TRPC4AP: variants seen among roughly 807,000 people sequenced by gnomAD.
The protein encoded by TRPC4AP is transient receptor potential cation channel subfamily C member 4 associated protein.
A neutral mutation model predicts 99.0 loss-of-function variants in TRPC4AP; 45 were observed. The ratio of observed to expected loss-of-function variants is 0.45; its 90% CI spans 0.36 to 0.58. The LOEUF is 0.58. TRPC4AP is among the 20% of genes least tolerant of loss of function. The pLI, the probability that TRPC4AP is intolerant of heterozygous loss-of-function variation, is 0.00. For synonymous variants in TRPC4AP, 408 were observed against 385.8 expected, an observed-to-expected ratio of 1.06 and a Z score of -0.67; for missense variants, 879 against 985.3, an observed-to-expected ratio of 0.89 and a Z score of 1.44.
At position 35,030,293 on chromosome 20, in the gene TRPC4AP, C is replaced by T. The variant is rs547039408; in HGVS notation, c.1051+4830G>A. ...CTTACCACATACATCTTAATCTTTT[C>T]CAGATTTTTTTTAAAAATTAGAAAT... On this transcript the variant is annotated intron_variant, in intron 8 of 18. Coordinates refer to ENST00000252015, the MANE Select transcript of TRPC4AP (RefSeq NM_015638.3). 2.0e-5 allele frequency: 3 copies of T among 147,818 alleles called. No individual in the cohort carries two copies. The East Asian group carries it at 6.0e-4, about 29-fold the overall frequency. The allele number at this position is 147,818 out of a possible 1,614,324, so 9.2% of individuals were successfully genotyped here. A position where few individuals can be genotyped will look rare whatever the true frequency, so the allele number is the denominator to read the frequency against.
intron 5 of TRPC4AP, 43 bp from the exon 6 acceptor site, chr20:35,050,037 T>C: frequency 1.9e-6 from 3 of 1,591,626 alleles, no homozygotes; most frequent in Non-Finnish European, 2.6e-6. Context: ...AAGTACAAAA[T>C]AAATTATGAA....
intron 7 of TRPC4AP, among the ~76,000 whole-genome samples, chr20:35,040,538 C>T (rs561852246): frequency 7.9e-5 from 12 of 152,252 alleles, no homozygotes; most frequent in African/African-American, 1.7e-4. Flanking sequence ...CTAAGTTTTC[C>T]GGACTTGGAC....
intron 3 of TRPC4AP, among the ~76,000 whole-genome samples, chr20:35,066,611 T>A (rs1204791418): frequency 6.6e-6 from 1 of 152,052 alleles, no homozygotes; most frequent in Non-Finnish European, 1.5e-5. Flanking sequence ...AAACTTCAAA[T>A]GATGCAAAAA....
Position 35,004,587 on chromosome 20 carries a change from G to A in TRPC4AP, c.1937-17C>T, listed in dbSNP as rs530604947. ...CCTCGGCAACTGTGGAGGGAGGCAG[G>A]GGTGCAGCAGGTCAGGCTTAGGCCC... On this transcript the variant is annotated splice_polypyrimidine_tract_variant and intron_variant, in intron 16 of 18. Coordinates refer to ENST00000252015, the MANE Select transcript of TRPC4AP (RefSeq NM_015638.3). 33 of 1,608,540 alleles carry A rather than the reference G, an allele frequency of 2.1e-5. No homozygotes were observed. The highest frequency in any genetic ancestry group is 2.6e-5 in the Non-Finnish European group (31 of 1,176,550).
chr20:35,002,484 G>GT lies in TRPC4AP; in HGVS notation c.*661_*662insA. 3.2e-6 allele frequency: 1 copy of GT among 308,486 alleles called. No homozygotes were observed. The highest frequency in any genetic ancestry group is 5.3e-5 in the East Asian group (1 of 19,026). The allele number at this position is 308,486 out of a possible 1,614,324, so 19.1% of individuals were successfully genotyped here. A position where few individuals can be genotyped will look rare whatever the true frequency, so the allele number is the denominator to read the frequency against. On this transcript the variant is annotated 3_prime_UTR_variant, in exon 19 of 19. Transcript: ENST00000252015. ...TAATAAATTGGCAACACAAGGAAGG[G>GT]CCCCATGTCCAGGCTCAGGCAGGAG...
At chr20:35,018,649 C>A (rs2082813158) in intron 9 of TRPC4AP, among the ~76,000 whole-genome samples, 1 of 146,870 alleles carries the variant, frequency 6.8e-6, no homozygotes, top group Admixed American at 6.7e-5. Context: ...ATAGCAGCTT[C>A]TTCATGTGTA....
intron 3 of TRPC4AP, among the ~76,000 whole-genome samples, chr20:35,064,967 CAG>C (rs1455778734): frequency 6.6e-6 from 1 of 152,174 alleles, no homozygotes; most frequent in Non-Finnish European, 1.5e-5. Context: ...ACGTCTTCAT[CAG>C]AGTCACAGAA....
chr20:35,086,525 ATGTGTGTGTGTGTGTGTGTG>A (rs1176461079), intron 1 of TRPC4AP, among the ~76,000 whole-genome samples: 4,315 of 69,092 alleles, frequency 0.062, 709 homozygotes, highest in African/African-American at 0.23. Context: ...GTGTGTATAT[ATGTGTGTGTGTGTGTGTGTG>A]TGTGTGTGTG....
Position 35,003,479 on chromosome 20 carries a change from GAA to G in TRPC4AP, c.2185_2186del (p.Phe729ProfsTer52), listed in dbSNP as rs1332370428. The G allele has an allele frequency of 2.5e-6, 4 of 1,614,008 alleles. No homozygotes were observed. The highest frequency in any genetic ancestry group is 1.3e-5 in the African/African-American group (1 of 74,942). ...KKYPGFLLNN[F>X]HNLLRFWQQH... ...GCTGCCAGAAGCGCAGCAGGTTGTGGAAGTTGTTGAGCAGGAAGCCGGGGTAC... is the reference window on the plus strand; with the variant it reads ...GCTGCCAGAAGCGCAGCAGGTTGTGGGTTGTTGAGCAGGAAGCCGGGGTAC... On this transcript the variant is annotated frameshift_variant, in exon 18 of 19. Transcript: ENST00000252015. LOFTEE classifies it high-confidence loss of function.
chr20:35,064,172 G>GT (rs1328204519), intron 3 of TRPC4AP, among the ~76,000 whole-genome samples: 1 of 152,078 alleles, frequency 6.6e-6, no homozygotes, highest in African/African-American at 2.4e-5. Context: ...CCCTATATAC[G>GT]TATGTATTTT....
intron 6 of TRPC4AP, among the ~76,000 whole-genome samples, chr20:35,049,063 AAAG>A (rs2083631133): frequency 6.6e-6 from 1 of 152,184 alleles, no homozygotes; most frequent in Non-Finnish European, 1.5e-5. Flanking sequence ...ACAGGAAGAG[AAAG>A]AAATCTGCCA....
chr20:35,049,830 C>G lies in TRPC4AP; in HGVS notation c.657+36G>C. 3.2e-6 allele frequency: 5 copies of G among 1,578,632 alleles called. No homozygotes were observed. The South Asian group carries it at 4.7e-5, about 15-fold the overall frequency. On this transcript the variant is annotated intron_variant, in intron 6 of 18. Coordinates refer to ENST00000252015, the MANE Select transcript of TRPC4AP (RefSeq NM_015638.3). ...TTGAGAATCCAATGGTCTGAGACAC[C>G]CTTCCCCATCTGGTCAGCTAGAGGA...
chr20:35,082,491 G>A (rs1440642915), intron 1 of TRPC4AP, among the ~76,000 whole-genome samples: 4 of 152,094 alleles, frequency 2.6e-5, no homozygotes, highest in South Asian at 2.1e-4. Context: ...AGAAGAAATC[G>A]AAGTGGATAT....
intron 3 of TRPC4AP, among the ~76,000 whole-genome samples, chr20:35,065,487 C>G (rs555089854): frequency 6.6e-6 from 1 of 152,304 alleles, no homozygotes; most frequent in South Asian, 2.1e-4. Flanking sequence ...GAGCTTTGGG[C>G]AGCATGACCA....
At chr20:35,024,871 A>T (rs1224308373) in intron 8 of TRPC4AP, among the ~76,000 whole-genome samples, 5 of 140,938 alleles carry the variant, frequency 3.5e-5, no homozygotes, top group Non-Finnish European at 6.1e-5. Flanking sequence ...TTTATTCATT[A>T]ATCAGGTGAC....
rs530566285 is a variant in TRPC4AP, at chr20:35,010,355, G to C, written c.1410-67C>G. The C allele has an allele frequency of 1.2e-4, 166 of 1,330,252 alleles. 1 individual carries two copies. In the East Asian group the frequency reaches 3.6e-3, roughly 29 times the overall value. The allele number at this position is 1,330,252 out of a possible 1,614,324, so 82.4% of individuals were successfully genotyped here. On this transcript the variant is annotated intron_variant, in intron 11 of 18. Coordinates refer to ENST00000252015, the MANE Select transcript of TRPC4AP (RefSeq NM_015638.3). ...GGGCTGCTGGGTCAGCACCAGGCTA[G>C]TGTAGGGAGTCTCCTGCCCACTTCC...
In TRPC4AP at chr20:35,007,655, C is replaced by T. The variant is rs2147266349; in HGVS notation, c.1596-15G>A. ...CTTGCCAAAACCTGCGACCCAAATA[C>T]TGGCTCAGGTGGCTAAGGCTGCCCT... is the stretch of plus-strand genomic sequence containing the variant. On this transcript the variant is annotated splice_polypyrimidine_tract_variant and intron_variant, in intron 13 of 18. Transcript: ENST00000252015. The T allele has an allele frequency of 6.2e-7, 1 of 1,614,122 alleles. No homozygotes were observed. The highest frequency in any genetic ancestry group is 1.1e-5 in the South Asian group (1 of 91,076).
At chr20:35,003,311 C>G (rs765387701) in intron 18 of TRPC4AP, 28 bp from the exon 19 acceptor site, 4 of 1,612,842 alleles carry the variant, frequency 2.5e-6, no homozygotes, top group East Asian at 4.5e-5. Context: ...GGCTGGGGGG[C>G]GCCTGGAGGA....
At position 35,083,446 on chromosome 20, in the gene TRPC4AP, C is replaced by CA. The variant is rs961998136; in HGVS notation, c.169-5273dup. ...GAAACCCCATCTCTACTAAAAATACCAAAAAAAAAAAAATTAGCTGGGCGT... is the reference window on the plus strand; with the variant it reads ...GAAACCCCATCTCTACTAAAAATACCAAAAAAAAAAAAAATTAGCTGGGCGT... On this transcript the variant is annotated intron_variant, in intron 1 of 18. Transcript: ENST00000252015. Among the ~76,000 whole-genome samples, 997 of 138,738 alleles carry CA rather than the reference C, an allele frequency of 7.2e-3. 7 individuals are homozygous for CA. The highest frequency in any genetic ancestry group is 0.021 in the African/African-American group (806 of 37,954). The allele number at this position is 138,738 out of a possible 152,430, so 91.0% of individuals were successfully genotyped here.
Sources: allele counts gnomAD v4.1 joint callset (sites outside exome capture counted in the v4.1 genomes callset), GRCh38; gene constraint gnomAD v4.1.1; transcripts MANE v1.5; gene names NCBI Gene and HGNC (gene_info 2026-07-23, HGNC 2026-07-21).